The following MAGI1 variants were observed in gnomAD, a reference collection of about 807,000 sequenced individuals.
The protein encoded by MAGI1 is membrane associated guanylate kinase, WW and PDZ domain containing 1.
MAGI1 carries 58 observed loss-of-function variants against 139.9 expected under a neutral mutation model. The ratio of observed to expected loss-of-function variants is 0.41; its 90% CI spans 0.34 to 0.52. MAGI1 has a LOEUF of 0.52. Ranked by LOEUF, MAGI1 falls within the 20% of genes least tolerant of loss-of-function variation. The probability of loss-of-function intolerance (pLI) is 0.12; values close to 1 mark genes in which losing one functional copy is unlikely to be tolerated. For missense variants in MAGI1, 1,874 were observed against 1,901.6 expected (o/e 0.99, Z 0.27); for synonymous variants, 812 against 737.9 (o/e 1.10, Z -1.63).
intron 13 of MAGI1, among the ~76,000 whole-genome samples, chr3:65,394,808 G>T (rs1944253826): frequency 6.6e-6 from 1 of 152,102 alleles, no homozygotes; most frequent in African/African-American, 2.4e-5. Context: ...CAACTTGTGT[G>T]CATTTTCAGC....
At chr3:65,426,068 G>A (rs1947022239) in intron 12 of MAGI1, among the ~76,000 whole-genome samples, 1 of 152,124 alleles carries the variant, frequency 6.6e-6, no homozygotes, top group African/African-American at 2.4e-5. Context: ...GAAGGAGTAA[G>A]GACACACAAT....
intron 5 of MAGI1, 77 bp downstream of exon 5, chr3:65,470,206 T>G: frequency 1.0e-6 from 1 of 966,930 alleles, no homozygotes; most frequent in South Asian, 1.6e-5. Flanking sequence ...GTAATTTACA[T>G]TGGCAACTGC....
chr3:65,354,883 CTTTT>C lies in MAGI1; in HGVS notation c.*1491_*1494del, dbSNP rs559634584. The C allele has an allele frequency of 4.9e-5, 7 of 142,352 alleles. No individual in the cohort carries two copies. The highest frequency in any genetic ancestry group is 1.8e-4 in the African/African-American group (7 of 38,810). The allele number at this position is 142,352 out of a possible 1,614,324, so 8.8% of individuals were successfully genotyped here. ...GTACACGCAATGATTGGCTGGTTTTCTTTTTTTTTTTCTTTTTCCTTTTTTTTTT... is the reference window on the plus strand; with the variant it reads ...GTACACGCAATGATTGGCTGGTTTTCTTTTTTTCTTTTTCCTTTTTTTTTT... On this transcript the variant is annotated 3_prime_UTR_variant, in exon 23 of 23. Coordinates refer to ENST00000402939, the MANE Select transcript of MAGI1 (RefSeq NM_001033057.2).
chr3:65,391,263 C>T lies in MAGI1; in HGVS notation c.2295G>A (p.Gln765=), dbSNP rs756347559. The change falls in exon 14 of 23, where the codon CAG becomes CAA. Residue 765 remains glutamine, a synonymous_variant. Coordinates refer to ENST00000402939, the MANE Select transcript of MAGI1 (RefSeq NM_001033057.2). The part of the protein sequence containing the change: ...LHTASPSHST[Q]VLPEFPPAEA... ...CTGCAGGTGGGAACTCGGGGAGCAC[C>T]TGTGTGCTGTGGCTTGGGGATGCTG... The T allele has an allele frequency of 6.2e-7, 1 of 1,614,202 alleles. No homozygotes were observed. Among genetic ancestry groups the T allele is most frequent in the Non-Finnish European group, 8.5e-7 (1 of 1,180,042 alleles).
intron 1 of MAGI1, among the ~76,000 whole-genome samples, chr3:65,667,057 C>T (rs575110518): frequency 6.6e-6 from 1 of 152,302 alleles, no homozygotes; most frequent in South Asian, 2.1e-4. Context: ...TATTTGTTCG[C>T]AGTGAGTGAA....
At position 65,955,971 on chromosome 3, in the gene MAGI1, G is replaced by A. The variant is rs2064108564; in HGVS notation, c.313+82025C>T. On this transcript the variant is annotated intron_variant, in intron 1 of 22. Transcript: ENST00000402939. ...ATTTCCTTCTCCACTGCCCATGTAT[G>A]AAATATACACAAATCCAGGGCAGCC... Among the ~76,000 whole-genome samples, 7 of 152,038 alleles carry A rather than the reference G, an allele frequency of 4.6e-5. No individual in the cohort carries two copies. In the South Asian group the frequency reaches 1.2e-3, roughly 27 times the overall value.
chr3:65,853,628 A>T (rs1468371195), intron 1 of MAGI1, among the ~76,000 whole-genome samples: 1 of 152,210 alleles, frequency 6.6e-6, no homozygotes, highest in African/African-American at 2.4e-5. Flanking sequence ...CTGGATCAGT[A>T]AGTAAAACCT....
chr3:65,654,765 A>G (rs2085778204), intron 1 of MAGI1, among the ~76,000 whole-genome samples: 1 of 152,172 alleles, frequency 6.6e-6, no homozygotes, highest in African/African-American at 2.4e-5. Context: ...TCAGGGCATG[A>G]AGTGAACATC....
intron 1 of MAGI1, among the ~76,000 whole-genome samples, chr3:66,025,513 G>T (rs575341219): frequency 6.6e-6 from 1 of 152,060 alleles, no homozygotes; most frequent in Non-Finnish European, 1.5e-5. Context: ...CAGCCTAGGC[G>T]ACAGAGAAGT....
intron 1 of MAGI1, chr3:65,873,750 G>A (rs2060016908): frequency 6.6e-6 from 1 of 152,156 alleles, no homozygotes; most frequent in Non-Finnish European, 1.5e-5. Context: ...AACAAATGGT[G>A]CTGGGAAAAC....
intron 12 of MAGI1, among the ~76,000 whole-genome samples, chr3:65,428,045 A>G (rs1947187955): frequency 6.6e-6 from 1 of 152,196 alleles, no homozygotes; most frequent in African/African-American, 2.4e-5. Context: ...CTCATTGAGC[A>G]TTTCAATTCA....
intron 1 of MAGI1, among the ~76,000 whole-genome samples, chr3:65,991,640 T>C (rs536491850): frequency 6.6e-6 from 1 of 152,362 alleles, no homozygotes; most frequent in East Asian, 1.9e-4. Flanking sequence ...GACTTTGCTC[T>C]GACTGACCAA....
chr3:65,889,657 C>T (rs540486946), intron 1 of MAGI1, among the ~76,000 whole-genome samples: 24 of 152,134 alleles, frequency 1.6e-4, no homozygotes, highest in African/African-American at 2.9e-4. Context: ...GAGGCCTTAA[C>T]ATAACAGTAA....
chr3:65,448,402 G>C (rs917448334), intron 6 of MAGI1, among the ~76,000 whole-genome samples: 17 of 152,124 alleles, frequency 1.1e-4, no homozygotes, highest in African/African-American at 3.4e-4. Flanking sequence ...AGTAAACAAA[G>C]CTGTTAGACC....
At chr3:65,479,131 A>G (rs572454275) in intron 3 of MAGI1, among the ~76,000 whole-genome samples, 1 of 152,336 alleles carries the variant, frequency 6.6e-6, no homozygotes, top group Non-Finnish European at 1.5e-5. Context: ...GCACCAGCAT[A>G]ATGCTGAATC....
chr3:65,653,225 T>G (rs1173272820), intron 1 of MAGI1, among the ~76,000 whole-genome samples: 2 of 152,304 alleles, frequency 1.3e-5, no homozygotes, highest in Middle Eastern at 3.4e-3. Context: ...GCCCAGTTCT[T>G]CTAATTCCAC....
intron 1 of MAGI1, among the ~76,000 whole-genome samples, chr3:65,726,023 G>T (rs2033564726): frequency 6.6e-6 from 1 of 152,142 alleles, no homozygotes; most frequent in Non-Finnish European, 1.5e-5. Context: ...AGTTTAGCAG[G>T]GTTAAAGTAA....
chr3:65,530,508 T>C (rs1385699619), intron 2 of MAGI1, among the ~76,000 whole-genome samples: 1 of 150,900 alleles, frequency 6.6e-6, no homozygotes, highest in Non-Finnish European at 1.5e-5. Context: ...CAGCTGCTAC[T>C]GGAGAGACTG....
intron 1 of MAGI1, among the ~76,000 whole-genome samples, chr3:65,829,534 G>A (rs2042412070): frequency 6.6e-6 from 1 of 152,156 alleles, no homozygotes; most frequent in Non-Finnish European, 1.5e-5. Context: ...CATATCTGCT[G>A]GTGCCTTGAT....
Sources: gnomAD v4.1 joint callset for allele counts (sites outside exome capture counted in the v4.1 genomes callset) on GRCh38, gnomAD v4.1.1 for gene constraint, MANE v1.5 for transcripts, NCBI Gene and HGNC (gene_info 2026-07-23, HGNC 2026-07-21) for gene names.